NUP210L: variants seen among roughly 807,000 people sequenced by gnomAD.
NUP210L encodes the protein nuclear pore membrane glycoprotein 210-like.
Under a neutral mutation model 208.5 loss-of-function variants are expected in NUP210L, and 74 were observed. The observed-to-expected ratio is 0.35, with a 90% CI of 0.29 to 0.43. The LOEUF is 0.43. NUP210L is among the 20% of genes least tolerant of loss of function. The pLI, the probability that NUP210L is intolerant of heterozygous loss-of-function variation, is 1.00. For missense variants in NUP210L, 1,843 were observed against 2,289.4 expected, an observed-to-expected ratio of 0.81 and a Z score of 3.98; for synonymous variants, 780 against 816.9, an observed-to-expected ratio of 0.95 and a Z score of 0.77.
chr1:154,069,455 C>T (rs1654589831), intron 17 of NUP210L, among the ~76,000 whole-genome samples: 1 of 152,196 alleles, frequency 6.6e-6, no homozygotes, highest in South Asian at 2.1e-4. Context: ...AAATGCTCAT[C>T]ATCACTGGTC....
At chr1:154,091,436 G>C (rs1401942495) in intron 15 of NUP210L, among the ~76,000 whole-genome samples, 1 of 150,932 alleles carries the variant, frequency 6.6e-6, no homozygotes, top group African/African-American at 2.4e-5. Flanking sequence ...CTTACTCTAA[G>C]CAACCCAAGT....
intron 35 of NUP210L, among the ~76,000 whole-genome samples, chr1:154,006,946 GTA>G (rs1553219854): frequency 2.8e-4 from 27 of 95,426 alleles, no homozygotes; most frequent in East Asian, 9.1e-4. Flanking sequence ...GTGTGTGTGT[GTA>G]TATATATATA....
intron 10 of NUP210L, 126 bp downstream of exon 10, chr1:154,126,197 C>A: frequency 1.3e-6 from 1 of 746,200 alleles, no homozygotes. Context: ...TACGAATTTG[C>A]TGTTTATCTG....
intron 14 of NUP210L, among the ~76,000 whole-genome samples, chr1:154,095,554 G>A (rs531796041): frequency 2.0e-4 from 31 of 152,286 alleles, no homozygotes; most frequent in South Asian, 1.4e-3. Flanking sequence ...CTTAAGAGGA[G>A]TCAGTATCTT....
At chr1:154,085,191 C>A (rs550627077) in intron 16 of NUP210L, among the ~76,000 whole-genome samples, 3 of 143,952 alleles carry the variant, frequency 2.1e-5, no homozygotes. Flanking sequence ...ACTAAAAATA[C>A]AAAAAAAAAA....
chr1:154,024,661 T>G (rs1488372097), intron 30 of NUP210L, among the ~76,000 whole-genome samples: 1 of 151,068 alleles, frequency 6.6e-6, no homozygotes, highest in Non-Finnish European at 1.5e-5. Flanking sequence ...CAGCTAGGAC[T>G]GCAGACATGT....
intron 27 of NUP210L, among the ~76,000 whole-genome samples, chr1:154,035,500 C>G (rs1193617749): frequency 6.6e-6 from 1 of 150,656 alleles, no homozygotes; most frequent in African/African-American, 2.4e-5. Flanking sequence ...CGGGTTCAAG[C>G]GATTCTCCTG....
chr1:154,112,263 A>G (rs920981524), intron 12 of NUP210L, among the ~76,000 whole-genome samples: 8 of 152,072 alleles, frequency 5.3e-5, no homozygotes, highest in Non-Finnish European at 2.9e-5. Flanking sequence ...ATTAATGGCC[A>G]GACAGAGTTG....
chr1:154,151,649 T>A (rs781031866), intron 2 of NUP210L, among the ~76,000 whole-genome samples: 3 of 152,196 alleles, frequency 2.0e-5, no homozygotes, highest in Admixed American at 6.5e-5. Flanking sequence ...AGGTGGTTTT[T>A]AAAAATTCTT....
intron 35 of NUP210L, among the ~76,000 whole-genome samples, chr1:154,008,100 G>A (rs1048687619): frequency 6.7e-6 from 1 of 149,476 alleles, no homozygotes; most frequent in African/African-American, 2.5e-5. Flanking sequence ...TCAAACTCCT[G>A]ACCTCAAGTG....
At chr1:154,055,638 C>A (rs957962820) in intron 23 of NUP210L, among the ~76,000 whole-genome samples, 3 of 152,148 alleles carry the variant, frequency 2.0e-5, no homozygotes, top group Admixed American at 2.0e-4. Flanking sequence ...TCAAGTCATG[C>A]TCCTGCATCA....
intron 22 of NUP210L, 76 bp downstream of exon 22, chr1:154,058,013 G>T (rs1653960488): frequency 6.7e-7 from 1 of 1,502,388 alleles, no homozygotes; most frequent in Non-Finnish European, 9.1e-7. Context: ...TAAGGTAAGG[G>T]AAAGCTGACC....
chr1:154,138,710 T>C (rs1361136078), intron 5 of NUP210L, among the ~76,000 whole-genome samples: 1 of 152,228 alleles, frequency 6.6e-6, no homozygotes, highest in Non-Finnish European at 1.5e-5. Flanking sequence ...TTGAATTAAA[T>C]GCTTACCAAA....
chr1:154,008,691 G>T (rs1650716320), intron 35 of NUP210L, among the ~76,000 whole-genome samples: 1 of 152,180 alleles, frequency 6.6e-6, no homozygotes, highest in Non-Finnish European at 1.5e-5. Flanking sequence ...GGGAGACAGA[G>T]TGAGGCTCTG....
At chr1:154,029,292 G>A (rs1287432831) in intron 28 of NUP210L, among the ~76,000 whole-genome samples, 1 of 144,176 alleles carries the variant, frequency 6.9e-6, no homozygotes, top group African/African-American at 2.6e-5. Context: ...GCAGGAGAAT[G>A]GTGTGAACCT....
chr1:154,013,278 T>C (rs1651050870), intron 33 of NUP210L, among the ~76,000 whole-genome samples: 1 of 151,656 alleles, frequency 6.6e-6, no homozygotes, highest in African/African-American at 2.4e-5. Context: ...GACTCCCTAT[T>C]AAAATGCCTT....
chr1:154,106,866 A>G (rs1172304863), intron 12 of NUP210L, among the ~76,000 whole-genome samples: 1 of 152,212 alleles, frequency 6.6e-6, no homozygotes, highest in Admixed American at 6.5e-5. Flanking sequence ...CACGACACTC[A>G]ATTCTCTTTG....
At chr1:154,021,994 C>T (rs1651593801) in intron 32 of NUP210L, 132 bp downstream of exon 32, 1 of 808,818 alleles carries the variant, frequency 1.2e-6, no homozygotes, top group Admixed American at 2.4e-5. Context: ...CTTGGCCTCC[C>T]AAAGGGCTGA....
At chr1:154,068,714 C>G (rs1473804912) in intron 17 of NUP210L, among the ~76,000 whole-genome samples, 2 of 151,890 alleles carry the variant, frequency 1.3e-5, no homozygotes, top group Admixed American at 6.6e-5. Context: ...TCTCAGTAAA[C>G]TATCGCAAGA....
Sources: gnomAD v4.1 joint callset for allele counts (sites outside exome capture counted in the v4.1 genomes callset) on GRCh38, gnomAD v4.1.1 for gene constraint, MANE v1.5 for transcripts, NCBI Gene and HGNC (gene_info 2026-07-23, HGNC 2026-07-21) for gene names.